The following DOCK2 variants were observed in gnomAD, a reference collection of about 807,000 sequenced individuals.
DOCK2 encodes dedicator of cytokinesis protein 2.
A neutral mutation model predicts 248.9 loss-of-function variants in DOCK2; 87 were observed. The observed-to-expected ratio is 0.35, with a 90% confidence interval of 0.29 to 0.42. The LOEUF (loss-of-function observed/expected upper bound fraction) is 0.42. Ranked by LOEUF, DOCK2 falls within the 10% of genes least tolerant of loss-of-function variation. The pLI is 1.00. For synonymous variants in DOCK2, 805 were observed against 821.6 expected, an observed-to-expected ratio of 0.98 and a Z score of 0.35; for missense variants, 1,747 against 2,300.2, an observed-to-expected ratio of 0.76 and a Z score of 4.92.
intron 27 of DOCK2, among the ~76,000 whole-genome samples, chr5:169,876,225 T>A (rs1772325338): frequency 6.6e-6 from 1 of 152,204 alleles, no homozygotes; most frequent in South Asian, 2.1e-4. Flanking sequence ...GCTCTCCTCC[T>A]TTGAAGTCCT....
chr5:170,023,449 C>T (rs904311494), intron 33 of DOCK2, among the ~76,000 whole-genome samples: 12 of 152,198 alleles, frequency 7.9e-5, no homozygotes, highest in Middle Eastern at 3.4e-3. Flanking sequence ...GCTGCGTTCT[C>T]GGTACTGTTG....
intron 27 of DOCK2, among the ~76,000 whole-genome samples, chr5:169,926,024 G>A (rs1028650204): frequency 1.3e-4 from 20 of 152,230 alleles, no homozygotes; most frequent in Non-Finnish European, 2.4e-4. Context: ...GCAGGATGTC[G>A]TCAGCTCTGG....
intron 27 of DOCK2, among the ~76,000 whole-genome samples, chr5:169,950,018 G>A (rs1398591675): frequency 6.6e-6 from 1 of 152,202 alleles, no homozygotes; most frequent in African/African-American, 2.4e-5. Context: ...TTCTGCGTTT[G>A]AGGGGATCAC....
intron 27 of DOCK2, among the ~76,000 whole-genome samples, chr5:169,929,506 G>C (rs945295795): frequency 2.0e-5 from 3 of 152,080 alleles, no homozygotes; most frequent in Admixed American, 6.5e-5. Context: ...GAAGGCTGAG[G>C]GGGGAGGATT....
At chr5:169,889,326 G>A (rs1024987865) in intron 27 of DOCK2, among the ~76,000 whole-genome samples, 13 of 151,940 alleles carry the variant, frequency 8.6e-5, no homozygotes, top group African/African-American at 3.1e-4. Context: ...CTCTATTTAC[G>A]GCAGCTTTAA....
chr5:170,041,969 C>A, intron 37 of DOCK2, 44 bp from the exon 38 acceptor site: 1 of 1,601,266 alleles, frequency 6.2e-7, no homozygotes, highest in Non-Finnish European at 8.5e-7. Flanking sequence ...CTGCTCTTGG[C>A]AGCCTCTCGG....
At chr5:169,741,316 T>C (rs947865327) in intron 22 of DOCK2, among the ~76,000 whole-genome samples, 6 of 149,830 alleles carry the variant, frequency 4.0e-5, no homozygotes, top group African/African-American at 1.5e-4. Flanking sequence ...TTCATTGACT[T>C]AAATGTGCCT....
chr5:169,990,649 G>A (rs1480440524), intron 29 of DOCK2, among the ~76,000 whole-genome samples: 1 of 152,206 alleles, frequency 6.6e-6, no homozygotes, highest in Non-Finnish European at 1.5e-5. Context: ...TGGGAGAATA[G>A]GTATCCCAGC....
intron 27 of DOCK2, 59 bp from the exon 28 acceptor site, chr5:169,983,009 G>A: frequency 1.9e-6 from 3 of 1,554,514 alleles, no homozygotes; most frequent in Non-Finnish European, 2.7e-6. Context: ...TTTTCTCACA[G>A]GGAAGTTTTC....
At chr5:170,061,189 C>G (rs1471997732) in intron 44 of DOCK2, among the ~76,000 whole-genome samples, 1 of 152,162 alleles carries the variant, frequency 6.6e-6, no homozygotes. Context: ...TCACAGCAAG[C>G]CTGGCAAGAG....
chr5:169,891,678 C>T (rs1773290156), intron 27 of DOCK2, among the ~76,000 whole-genome samples: 1 of 152,054 alleles, frequency 6.6e-6, no homozygotes, highest in African/African-American at 2.4e-5. Context: ...CTTCTACCTG[C>T]AAGTGCTTCA....
intron 26 of DOCK2, among the ~76,000 whole-genome samples, chr5:169,814,792 G>C (rs966457477): frequency 1.3e-5 from 2 of 152,030 alleles, no homozygotes; most frequent in Admixed American, 1.3e-4. Flanking sequence ...TTATTTCTAT[G>C]TGAAGGGAAA....
At chr5:169,883,418 G>A (rs1158112354) in intron 27 of DOCK2, 20 of 1,551,536 alleles carry the variant, frequency 1.3e-5, no homozygotes, top group Non-Finnish European at 1.7e-5. Context: ...ACCCTTCGAG[G>A]CCCATCCTCA....
intron 2 of DOCK2, among the ~76,000 whole-genome samples, chr5:169,660,493 T>C (rs1758384054): frequency 6.6e-6 from 1 of 152,234 alleles, no homozygotes; most frequent in Non-Finnish European, 1.5e-5. Flanking sequence ...CCTTCTGTTC[T>C]CATTTGAAAA....
At chr5:169,749,794 C>A (rs1445437456) in intron 23 of DOCK2, among the ~76,000 whole-genome samples, 1 of 152,192 alleles carries the variant, frequency 6.6e-6, no homozygotes, top group Non-Finnish European at 1.5e-5. Context: ...TTTTCCCTTA[C>A]CCCCTCCTGG....
At chr5:169,948,518 A>T (rs1364502236) in intron 27 of DOCK2, among the ~76,000 whole-genome samples, 1 of 152,022 alleles carries the variant, frequency 6.6e-6, no homozygotes, top group Non-Finnish European at 1.5e-5. Flanking sequence ...CTACACACAC[A>T]TAGAAACACA....
chr5:169,929,971 CTTTA>C (rs1409292079), intron 27 of DOCK2, among the ~76,000 whole-genome samples: 23 of 152,012 alleles, frequency 1.5e-4, no homozygotes, highest in African/African-American at 4.3e-4. Flanking sequence ...AAGAATAGAA[CTTTA>C]TTTGTTTATT....
intron 27 of DOCK2, among the ~76,000 whole-genome samples, chr5:169,950,216 A>G (rs1776602565): frequency 6.6e-6 from 1 of 152,194 alleles, no homozygotes; most frequent in Non-Finnish European, 1.5e-5. Context: ...GTCAGATTCA[A>G]ACCCCAGCTC....
chr5:169,997,459 C>T (rs1288480790), intron 30 of DOCK2, among the ~76,000 whole-genome samples: 8 of 144,132 alleles, frequency 5.6e-5, no homozygotes, highest in African/African-American at 8.0e-5. Context: ...AGGTCTTTCC[C>T]TTCCCACGAG....
Sources: gnomAD v4.1 joint callset for allele counts (sites outside exome capture counted in the v4.1 genomes callset) on GRCh38, gnomAD v4.1.1 for gene constraint, MANE v1.5 for transcripts, NCBI Gene and HGNC (gene_info 2026-07-23, HGNC 2026-07-21) for gene names.